The following ZNF678 variants were observed in gnomAD, a reference collection of about 807,000 sequenced individuals.
The protein encoded by ZNF678 is hypothetical protein MGC42493.
In ZNF678, 5 loss-of-function variants were observed where a neutral mutation model predicts 3.0. That is an observed-to-expected ratio of 1.69 (90% confidence interval 0.88 to 3.56). The LOEUF (loss-of-function observed/expected upper bound fraction) is 3.56. Ranked by LOEUF, ZNF678 falls within the 30% of genes most tolerant of loss-of-function variation. ZNF678 has a pLI of 0.00. For missense variants in ZNF678, 593 were observed against 605.0 expected, an observed-to-expected ratio of 0.98 and a Z score of 0.21; for synonymous variants, 218 against 199.6, an observed-to-expected ratio of 1.09 and a Z score of -0.78.
intron 1 of ZNF678, among the ~76,000 whole-genome samples, chr1:227,595,656 C>T (rs370452323): frequency 2.1e-4 from 32 of 152,190 alleles, no homozygotes; most frequent in African/African-American, 5.3e-4. Flanking sequence ...AAACAAAGAA[C>T]GGGTAAAAAG....
At chr1:227,631,474 G>T (rs1198406166) in intron 1 of ZNF678, among the ~76,000 whole-genome samples, 1 of 152,184 alleles carries the variant, frequency 6.6e-6, no homozygotes, top group Non-Finnish European at 1.5e-5. Flanking sequence ...CCATCAAGGT[G>T]CATTCCCATA....
intron 1 of ZNF678, among the ~76,000 whole-genome samples, chr1:227,619,038 A>C (rs1209255416): frequency 6.6e-6 from 1 of 152,078 alleles, no homozygotes; most frequent in African/African-American, 2.4e-5. Flanking sequence ...AAACAATCAG[A>C]TCTCATGAGA....
chr1:227,670,307 A>G lies in ZNF678; in HGVS notation c.227-6872A>G, dbSNP rs79570951. Among the ~76,000 whole-genome samples, 1,232 of 152,364 alleles carry G rather than the reference A, an allele frequency of 8.1e-3. 13 individuals are homozygous for G. Among genetic ancestry groups the G allele is most frequent in the African/African-American group, 0.028 (1,154 of 41,584 alleles). ...TGAAATTTTAAAAATCACATTGTACACCACAAGTATATATAATTGTAATTT... is the reference window on the plus strand; with the variant it reads ...TGAAATTTTAAAAATCACATTGTACGCCACAAGTATATATAATTGTAATTT... On this transcript the variant is annotated intron_variant, in intron 5 of 5. Transcript: ENST00000608949.
intron 1 of ZNF678, among the ~76,000 whole-genome samples, chr1:227,621,851 A>G (rs1002024011): frequency 1.3e-5 from 2 of 152,188 alleles, no homozygotes; most frequent in African/African-American, 2.4e-5. Flanking sequence ...GAGTTTAGGT[A>G]CCACTGACCA....
chr1:227,642,457 TG>T (rs1473282925), intron 1 of ZNF678, among the ~76,000 whole-genome samples: 2 of 152,178 alleles, frequency 1.3e-5, no homozygotes, highest in African/African-American at 4.8e-5. Flanking sequence ...CCCAGAGTCA[TG>T]ACCACAACTA....
At chr1:227,646,817 T>A in intron 2 of ZNF678, 147 bp downstream of exon 2, 1 of 721,440 alleles carries the variant, frequency 1.4e-6, no homozygotes, top group Non-Finnish European at 2.0e-6. Context: ...TTTGTTGGTG[T>A]AGAAAATAAA....
At chr1:227,601,509 G>T (rs1303344674) in intron 1 of ZNF678, among the ~76,000 whole-genome samples, 1 of 148,286 alleles carries the variant, frequency 6.7e-6, no homozygotes, top group African/African-American at 2.5e-5. Flanking sequence ...TGTGACAATT[G>T]TGAATGGGAT....
chr1:227,656,697 A>G lies in ZNF678; in HGVS notation c.*869A>G, dbSNP rs912049371. On this transcript the variant is annotated 3_prime_UTR_variant, in exon 4 of 4. Coordinates refer to ENST00000343776, the MANE Select transcript of ZNF678 (RefSeq NM_001367909.1). ...TTAGGTATTCAGAGAAGTATTTTGC[A>G]TTATAGTAATAGGGAAACATTTTGA... 4.6e-5 allele frequency: 7 copies of G among 151,986 alleles called. No individual in the cohort carries two copies. The highest frequency in any genetic ancestry group is 1.5e-5 in the Non-Finnish European group (1 of 67,892). The allele number at this position is 151,986 out of a possible 1,614,324, so 9.4% of individuals were successfully genotyped here.
Position 227,657,166 on chromosome 1 carries a change from T to G in ZNF678, c.*1338T>G, listed in dbSNP as rs1659271816. 1 of 151,970 alleles carries G rather than the reference T, an allele frequency of 6.6e-6. No homozygotes were observed. Among genetic ancestry groups the G allele is most frequent in the Admixed American group, 6.6e-5 (1 of 15,236 alleles). The allele number at this position is 151,970 out of a possible 1,614,324, so 9.4% of individuals were successfully genotyped here. A position where few individuals can be genotyped will look rare whatever the true frequency, so the allele number is the denominator to read the frequency against. ...TCTTACCACTGCAGTTAGTGTGTTC[T>G]CTGTTAGTTCATGTGAAAGCTGGTT... On this transcript the variant is annotated 3_prime_UTR_variant, in exon 4 of 4. Transcript: ENST00000343776.
downstream of ZNF678, among the ~76,000 whole-genome samples, chr1:227,663,268 A>G (rs1230595760): frequency 2.6e-5 from 4 of 152,234 alleles, no homozygotes; most frequent in Non-Finnish European, 4.4e-5. Flanking sequence ...GTTTGTTAAG[A>G]CACATACAAT....
rs1027971177 is a variant in ZNF678, at chr1:227,661,668, C to T, written c.*5840C>T. 1.3e-5 allele frequency: 2 copies of T among 152,124 alleles called. No individual in the cohort carries two copies. The highest frequency in any genetic ancestry group is 4.8e-5 in the African/African-American group (2 of 41,402). The allele number at this position is 152,124 out of a possible 1,614,324, so 9.4% of individuals were successfully genotyped here. On this transcript the variant is annotated 3_prime_UTR_variant, in exon 4 of 4. Transcript: ENST00000343776. ...AGTTCAGCTCAGAGAGCTGCAGGAA[C>T]ATTGGGGACATCTCCAAGTCACAGC...
intron 1 of ZNF678, among the ~76,000 whole-genome samples, chr1:227,588,819 T>C (rs1371307709): frequency 6.6e-6 from 1 of 152,096 alleles, no homozygotes; most frequent in East Asian, 1.9e-4. Flanking sequence ...TTTTGACTTT[T>C]TAATAGCCAT....
intron 5 of ZNF678, among the ~76,000 whole-genome samples, chr1:227,668,784 G>A (rs535778792): frequency 1.3e-5 from 2 of 152,266 alleles, no homozygotes; most frequent in Non-Finnish European, 2.9e-5. Flanking sequence ...CATATTGCCA[G>A]CCAGTTATGC....
At chr1:227,596,303 G>A (rs1056644967) in intron 1 of ZNF678, among the ~76,000 whole-genome samples, 2 of 152,204 alleles carry the variant, frequency 1.3e-5, no homozygotes, top group African/African-American at 4.8e-5. Flanking sequence ...AAACTCCTCA[G>A]ACACTGAGTT....
downstream of ZNF678, among the ~76,000 whole-genome samples, chr1:227,664,183 AT>A (rs1365701991): frequency 6.6e-6 from 1 of 152,236 alleles, no homozygotes; most frequent in East Asian, 1.9e-4. Flanking sequence ...TTTAAAAAAA[AT>A]AATTATCCCT....
chr1:227,626,869 T>C (rs1267300175), intron 1 of ZNF678, among the ~76,000 whole-genome samples: 2 of 151,932 alleles, frequency 1.3e-5, no homozygotes, highest in African/African-American at 4.8e-5. Context: ...TCTGTAAGCC[T>C]TGGGGAAGTC....
chr1:227,583,345 CT>C lies in ZNF678; in HGVS notation c.-164+19627del, dbSNP rs144278686. ...CATTTTAGAAAATTTCTTTTTTTTT[CT>C]TTTTTCTTTTTTTTTTTTTTTTTGA... On this transcript the variant is annotated intron_variant, in intron 1 of 3. Transcript: ENST00000343776. Among the ~76,000 whole-genome samples, 2,832 of 145,310 alleles carry C rather than the reference CT, an allele frequency of 0.019. 278 individuals carry two copies. The East Asian group carries it at 0.28, about 14-fold the overall frequency.
intron 1 of ZNF678, among the ~76,000 whole-genome samples, chr1:227,633,850 T>C (rs977591208): frequency 1.3e-5 from 2 of 152,092 alleles, no homozygotes; most frequent in East Asian, 3.9e-4. Context: ...CCAGAGCCAG[T>C]GGACTAGTGG....
intron 1 of ZNF678, among the ~76,000 whole-genome samples, chr1:227,625,608 A>G (rs1658392177): frequency 6.6e-6 from 1 of 152,190 alleles, no homozygotes; most frequent in Non-Finnish European, 1.5e-5. Flanking sequence ...ATGTACATCC[A>G]ACAGTTAGTA....
Sources: allele counts gnomAD v4.1 joint callset (sites outside exome capture counted in the v4.1 genomes callset), GRCh38; gene constraint gnomAD v4.1.1; transcripts MANE v1.5; gene names NCBI Gene and HGNC (gene_info 2026-07-23, HGNC 2026-07-21).